The following CHN2 variants were observed in gnomAD, a reference collection of about 807,000 sequenced individuals.
CHN2 encodes chimerin 2, also known as beta-chimaerin.
A neutral mutation model predicts 56.3 loss-of-function variants in CHN2; 35 were observed. The observed-to-expected ratio is 0.62, with a 90% CI of 0.47 to 0.82. The LOEUF is 0.82. Ranked by LOEUF, CHN2 falls within the 40% of genes least tolerant of loss-of-function variation. CHN2 has a pLI of 0.00. For missense variants in CHN2, 491 were observed against 580.5 expected (o/e 0.85, Z 1.58); for synonymous variants, 210 against 212.8 (o/e 0.99, Z 0.12).
At position 29,170,342 on chromosome 7, in the gene CHN2, C is replaced by T. The variant is rs142945363; in HGVS notation, c.274+23382C>T. On this transcript the variant is annotated intron_variant, in intron 2 of 6. Transcript: ENST00000439384. Reference sequence around the variant, plus strand: ...TCTTCAAACACAAGATTTTAATATGCTTTCCTTCATGTCAGTGTTCCTTTT... The same window carrying T: ...TCTTCAAACACAAGATTTTAATATGTTTTCCTTCATGTCAGTGTTCCTTTT... Among the ~76,000 whole-genome samples, 120 of 152,276 alleles carry T rather than the reference C, an allele frequency of 7.9e-4. 3 individuals are homozygous for T. In the East Asian group the frequency reaches 0.02, roughly 26 times the overall value.
chr7:29,355,191 G>A (rs950250086), intron 2 of CHN2, among the ~76,000 whole-genome samples: 2 of 151,896 alleles, frequency 1.3e-5, no homozygotes, highest in African/African-American at 2.4e-5. Flanking sequence ...GGATGGTCTC[G>A]AACTCCCGAC....
At chr7:29,265,619 A>G (rs189699402) in intron 1 of CHN2, among the ~76,000 whole-genome samples, 1 of 152,276 alleles carries the variant, frequency 6.6e-6, no homozygotes, top group Non-Finnish European at 1.5e-5. Context: ...CTCCCCGAAT[A>G]AAGTTCTTTA....
intron 6 of CHN2, among the ~76,000 whole-genome samples, chr7:29,436,944 TTAA>T (rs141827176): frequency 0.048 from 7,193 of 150,324 alleles, 329 homozygotes; most frequent in African/African-American, 0.12. Context: ...CTTATTAAAA[TTAA>T]TAATAATAAT....
At chr7:29,234,173 C>T (rs899615607) in intron 1 of CHN2, among the ~76,000 whole-genome samples, 15 of 152,108 alleles carry the variant, frequency 9.9e-5, no homozygotes, top group Non-Finnish European at 2.2e-4. Context: ...GACTTCAGAC[C>T]TCCAGAACTG....
chr7:29,378,747 C>G (rs1455041779), intron 3 of CHN2, among the ~76,000 whole-genome samples: 2 of 152,190 alleles, frequency 1.3e-5, no homozygotes, highest in African/African-American at 4.8e-5. Context: ...AGGCAGATCA[C>G]GAGGTTAGGA....
chr7:29,393,590 G>A, intron 3 of CHN2, 89 bp from the exon 4 acceptor site: 1 of 582,080 alleles, frequency 1.7e-6, no homozygotes, highest in East Asian at 6.9e-5. Context: ...ATTACTACCA[G>A]GACCCTAGTT....
intron 4 of CHN2, chr7:29,397,758 A>G (rs1346211566): frequency 1.3e-5 from 2 of 152,292 alleles, no homozygotes; most frequent in Admixed American, 6.5e-5. Context: ...CATTTTCCAC[A>G]TGCATGTGTA....
Position 29,513,357 on chromosome 7 carries a change from C to T in CHN2, c.*622C>T, listed in dbSNP as rs1219774061. 1 of 152,648 alleles carries T rather than the reference C, an allele frequency of 6.6e-6. No homozygotes were observed. 9.5% of individuals were successfully genotyped at this position (152,648 alleles called of 1,614,324 possible). ...GAAATTTCACCTGCCCCTTGTGTTC[C>T]TGCTTTGGATAGTTTTTGCTCTTAA... On this transcript the variant is annotated 3_prime_UTR_variant, in exon 13 of 13. Coordinates refer to ENST00000222792, the MANE Select transcript of CHN2 (RefSeq NM_004067.4).
At chr7:29,364,735 A>ATC (rs1427598961) in intron 2 of CHN2, among the ~76,000 whole-genome samples, 1 of 152,200 alleles carries the variant, frequency 6.6e-6, no homozygotes, top group Non-Finnish European at 1.5e-5. Context: ...CTCTGACTTT[A>ATC]TCTCTTATAG....
At chr7:29,277,682 C>T (rs1347650322) in intron 1 of CHN2, among the ~76,000 whole-genome samples, 2 of 152,200 alleles carry the variant, frequency 1.3e-5, no homozygotes, top group Non-Finnish European at 2.9e-5. Context: ...GCTGTAAAGT[C>T]ATTGCACACA....
At chr7:29,269,026 TC>T (rs1790392825) in intron 1 of CHN2, among the ~76,000 whole-genome samples, 1 of 152,252 alleles carries the variant, frequency 6.6e-6, no homozygotes, top group African/African-American at 2.4e-5. Context: ...ATTGGGATAT[TC>T]ATCACGTTAA....
chr7:29,217,119 A>G (rs1785402434), intron 1 of CHN2, among the ~76,000 whole-genome samples: 3 of 152,222 alleles, frequency 2.0e-5, no homozygotes, highest in African/African-American at 7.2e-5. Context: ...TGGAAAACTT[A>G]ACTTTCAGAG....
chr7:29,434,933 A>G (rs1783112898), intron 6 of CHN2, among the ~76,000 whole-genome samples: 1 of 152,144 alleles, frequency 6.6e-6, no homozygotes, highest in African/African-American at 2.4e-5. Context: ...CTCTACAAGA[A>G]ATACAAAAAA....
At chr7:29,258,911 T>C (rs1789301253) in intron 1 of CHN2, among the ~76,000 whole-genome samples, 1 of 152,108 alleles carries the variant, frequency 6.6e-6, no homozygotes, top group African/African-American at 2.4e-5. Context: ...TATTAGGTTA[T>C]TGCCTGTGCC....
chr7:29,288,031 A>G (rs896667207), intron 1 of CHN2, among the ~76,000 whole-genome samples: 1 of 152,232 alleles, frequency 6.6e-6, no homozygotes, highest in Non-Finnish European at 1.5e-5. Flanking sequence ...TTTCCAATTC[A>G]TGCAGTATTT....
intron 6 of CHN2, among the ~76,000 whole-genome samples, chr7:29,462,130 A>G (rs1167457568): frequency 1.3e-5 from 2 of 152,218 alleles, no homozygotes; most frequent in Non-Finnish European, 1.5e-5. Flanking sequence ...CATTCTGCGT[A>G]AAACTTAGTG....
At position 29,400,661 on chromosome 7, in the gene CHN2, G is replaced by A. The variant is rs200681447; in HGVS notation, c.409G>A (p.Glu137Lys). The A allele has an allele frequency of 6.2e-7, 1 of 1,614,106 alleles. No individual in the cohort carries two copies. Among genetic ancestry groups the A allele is most frequent in the Non-Finnish European group, 8.5e-7 (1 of 1,180,028 alleles). ...VTDGLITLYIETKAAEYISKM... is the reference protein window; with the variant it reads ...VTDGLITLYIKTKAAEYISKM... ...AGATGGCTTGATAACACTGTACATA[G>A]AAACAAAAGCTGCCGAGTACATTTC... The change falls in exon 6 of 13, where the codon GAA becomes AAA. Residue 137 changes from glutamate to lysine, a missense_variant. By Grantham distance (56) the Glu-to-Lys change is moderately conservative. Coordinates refer to ENST00000222792, the MANE Select transcript of CHN2 (RefSeq NM_004067.4).
intron 2 of CHN2, among the ~76,000 whole-genome samples, chr7:29,151,418 C>A (rs76536060): frequency 6.6e-6 from 1 of 152,092 alleles, no homozygotes; most frequent in African/African-American, 2.4e-5. Context: ...AGTTTCCCTT[C>A]GGCTATGGAA....
At chr7:29,186,223 C>A (rs1050712847) in intron 2 of CHN2, among the ~76,000 whole-genome samples, 1 of 151,752 alleles carries the variant, frequency 6.6e-6, no homozygotes, top group Non-Finnish European at 1.5e-5. Flanking sequence ...TTCCCCAGAG[C>A]CTGGCCTGCC....
Sources: gnomAD v4.1 joint callset for allele counts (sites outside exome capture counted in the v4.1 genomes callset) on GRCh38, gnomAD v4.1.1 for gene constraint, MANE v1.5 for transcripts, NCBI Gene and HGNC (gene_info 2026-07-23, HGNC 2026-07-21) for gene names.